The following TRMT11 variants were observed in gnomAD, a reference collection of about 807,000 sequenced individuals.
The protein encoded by TRMT11 is tRNA methyltransferase 11.
TRMT11 carries 53 observed loss-of-function variants against 62.8 expected under a neutral mutation model. The ratio of observed to expected loss-of-function variants is 0.84; its 90% CI spans 0.68 to 1.06. TRMT11 has a LOEUF of 1.06. TRMT11 is among the 50% of genes least tolerant of loss of function. The pLI is 0.00. For missense variants in TRMT11, 556 were observed against 553.4 expected (o/e 1.00, Z -0.05); for synonymous variants, 188 against 190.3 (o/e 0.99, Z 0.10).
chr6:126,044,755 C>A (rs1027193510), intron 16 of TRMT11, among the ~76,000 whole-genome samples: 3 of 152,036 alleles, frequency 2.0e-5, no homozygotes, highest in African/African-American at 7.3e-5. Flanking sequence ...TGCTTACTGC[C>A]CATTATAAAA....
the TRMT11 span, among the ~76,000 whole-genome samples, chr6:126,235,914 C>G: frequency 6.6e-6 from 1 of 152,198 alleles, no homozygotes; most frequent in Non-Finnish European, 1.5e-5. Flanking sequence ...GTCATTCTCT[C>G]TGCCTTGGCT....
chr6:126,210,720 T>A, the TRMT11 span, among the ~76,000 whole-genome samples: 2 of 152,244 alleles, frequency 1.3e-5, no homozygotes, highest in Non-Finnish European at 2.9e-5. Context: ...TTGCAATGTG[T>A]TCAAATCAAA....
chr6:126,071,166 CCA>C (rs896796610), intron 17 of TRMT11, among the ~76,000 whole-genome samples: 34 of 152,118 alleles, frequency 2.2e-4, no homozygotes, highest in African/African-American at 7.7e-4. Flanking sequence ...CAGTAGTTTT[CCA>C]CTCTCAGTGA....
At chr6:126,049,445 A>G (rs562397108) in intron 16 of TRMT11, among the ~76,000 whole-genome samples, 67 of 152,208 alleles carry the variant, frequency 4.4e-4, no homozygotes, top group African/African-American at 1.4e-3. Flanking sequence ...ACATTTTTCT[A>G]TAGATTCCAA....
chr6:125,987,004 G>A (rs1283466453), intron 1 of TRMT11: 1 of 225,890 alleles, frequency 4.4e-6, no homozygotes, highest in East Asian at 1.1e-4. Flanking sequence ...TGGAGGGGAT[G>A]GTGGTGGGGA....
In TRMT11 at chr6:126,008,415, C is replaced by T; in HGVS notation, c.703C>T (p.His235Tyr). 1.9e-6 allele frequency: 3 copies of T among 1,613,092 alleles called. No individual in the cohort carries two copies. Among genetic ancestry groups the T allele is most frequent in the South Asian group, 2.2e-5 (2 of 91,046 alleles). Residue 235 changes from histidine (H) to tyrosine (Y), a missense_variant, in exon 8 of 13, where the codon CAT becomes TAT. Transcript: ENST00000334379. ...GTGGLLIACA[H>Y]FGAYVYGTDI... ...AGGTGGCCTGCTGATAGCATGTGCTCATTTTGGTGCATATGTGTATGGGAC... is the reference window on the plus strand; with the variant it reads ...AGGTGGCCTGCTGATAGCATGTGCTTATTTTGGTGCATATGTGTATGGGAC...
Position 126,117,698 on chromosome 6 carries a change from C to T in TRMT11, c.*1823+1843C>T, listed in dbSNP as rs374742873. ...GAGAATGAATGACCAACTGTAACCCCGCCATCTGATTAGGAAAACAAGGAA... is the reference window on the plus strand; with the variant it reads ...GAGAATGAATGACCAACTGTAACCCTGCCATCTGATTAGGAAAACAAGGAA... On this transcript the variant is annotated intron_variant and NMD_transcript_variant, in intron 21 of 22. Transcript: ENST00000648977. Among the ~76,000 whole-genome samples the T allele has an allele frequency of 1.4e-4, 21 of 152,144 alleles. No individual in the cohort carries two copies. The East Asian group carries it at 2.3e-3, about 17-fold the overall frequency.
intron 1 of TRMT11, among the ~76,000 whole-genome samples, chr6:126,194,696 C>A (rs1778644596): frequency 6.6e-6 from 1 of 152,150 alleles, no homozygotes; most frequent in Admixed American, 6.5e-5. Flanking sequence ...CATTAACAAA[C>A]TTATTTGCTT....
chr6:126,271,906 T>G, the TRMT11 span, among the ~76,000 whole-genome samples: 3 of 152,146 alleles, frequency 2.0e-5, no homozygotes, highest in African/African-American at 7.2e-5. Flanking sequence ...GAAGGTGAAG[T>G]GTCAATAGAT....
downstream of TRMT11, among the ~76,000 whole-genome samples, chr6:126,043,739 T>G (rs1338460903): frequency 1.3e-5 from 2 of 150,400 alleles, no homozygotes; most frequent in South Asian, 2.1e-4. Context: ...TTTTAATGAT[T>G]GCCATTCTAA....
intron 1 of TRMT11, among the ~76,000 whole-genome samples, chr6:125,993,358 A>G (rs1790941308): frequency 1.3e-5 from 2 of 152,176 alleles, no homozygotes; most frequent in African/African-American, 4.8e-5. Flanking sequence ...TGCTTAATGA[A>G]TACATAGTGG....
intron 17 of TRMT11, among the ~76,000 whole-genome samples, chr6:126,109,250 T>C (rs1777499183): frequency 6.6e-6 from 1 of 152,206 alleles, no homozygotes; most frequent in Non-Finnish European, 1.5e-5. Context: ...GAAAAGGTTT[T>C]GGGAGGGGAT....
In TRMT11 at chr6:126,045,299, CA is replaced by C. The variant is rs1454505670; in HGVS notation, c.*1369+4455del. On this transcript the variant is annotated intron_variant and NMD_transcript_variant, in intron 16 of 22. Transcript: ENST00000648977. ...CTTTTACCAGTTTCAATGAATATGTCAGGCGCTTGCAATAGAGCAAAATCTC... is the reference window on the plus strand; with the variant it reads ...CTTTTACCAGTTTCAATGAATATGTCGGCGCTTGCAATAGAGCAAAATCTC... 2.0e-5 allele frequency among the ~76,000 whole-genome samples: 3 copies of C among 152,052 alleles called. No homozygotes were observed. In the East Asian group the frequency reaches 5.8e-4, roughly 29 times the overall value.
intron 7 of TRMT11, among the ~76,000 whole-genome samples, chr6:126,000,391 G>A (rs1252078430): frequency 6.6e-6 from 1 of 152,056 alleles, no homozygotes; most frequent in Non-Finnish European, 1.5e-5. Context: ...CAGAGCTAAC[G>A]TTTATTGAAT....
chr6:126,109,183 T>C (rs1777498598), intron 17 of TRMT11, among the ~76,000 whole-genome samples: 1 of 152,180 alleles, frequency 6.6e-6, no homozygotes, highest in South Asian at 2.1e-4. Context: ...AGAAAACTAA[T>C]ACTGATTCAA....
chr6:126,050,642 G>T (rs4897168), intron 16 of TRMT11, among the ~76,000 whole-genome samples: 87,558 of 151,636 alleles, frequency 0.58, 26,909 homozygotes, highest in East Asian at 0.94. Flanking sequence ...AAGGTTACAG[G>T]AAACTGTGAT....
the TRMT11 span, among the ~76,000 whole-genome samples, chr6:126,239,916 C>T: frequency 1.3e-5 from 2 of 151,886 alleles, no homozygotes; most frequent in Non-Finnish European, 2.9e-5. Context: ...TCTTTTTATG[C>T]TTTTTTTTCT....
At chr6:126,007,286 A>G (rs955501731) in intron 7 of TRMT11, among the ~76,000 whole-genome samples, 2 of 152,016 alleles carry the variant, frequency 1.3e-5, no homozygotes, top group African/African-American at 4.8e-5. Context: ...TTAAATGGCT[A>G]TGGAAGGAAC....
upstream of TRMT11, among the ~76,000 whole-genome samples, chr6:126,174,287 G>A (rs1372732348): frequency 6.6e-6 from 1 of 152,154 alleles, no homozygotes; most frequent in Non-Finnish European, 1.5e-5. Flanking sequence ...AGAAAGCAAA[G>A]GAACAGTCTT....
Sources: gnomAD v4.1 joint callset for allele counts (sites outside exome capture counted in the v4.1 genomes callset) on GRCh38, gnomAD v4.1.1 for gene constraint, MANE v1.5 for transcripts, NCBI Gene and HGNC (gene_info 2026-07-23, HGNC 2026-07-21) for gene names.